Variants in CHN2 observed in about 807,000 individuals in gnomAD.
CHN2 encodes beta-chimaerin.
In CHN2, 35 loss-of-function variants were observed where a neutral mutation model predicts 56.3. That is an observed-to-expected ratio of 0.62 (90% confidence interval 0.47 to 0.82). The LOEUF is 0.82. Among genes scored for constraint, CHN2 ranks in the 40% least tolerant of loss-of-function variants. The pLI is 0.00. For missense variants in CHN2, 491 were observed against 580.5 expected (o/e 0.85, Z 1.58); for synonymous variants, 210 against 212.8 (o/e 0.99, Z 0.12).
chr7:29,504,817 C>T lies in CHN2; in HGVS notation c.987C>T (p.Asp329=). ...EHIEDVKMAF[D]RDGEKADISA... ...TTGAAGATGTCAAAATGGCATTTGA[C>T]AGAGGTAAGCTTGTACTTTCTTGAA... The change falls in exon 10 of 13, where the codon GAC becomes GAT. Residue 329 remains aspartate, a synonymous_variant. Transcript: ENST00000222792. 6.2e-7 allele frequency: 1 copy of T among 1,611,072 alleles called. No homozygotes were observed. Among genetic ancestry groups the T allele is most frequent in the Non-Finnish European group, 8.5e-7 (1 of 1,177,694 alleles).
intron 1 of CHN2, among the ~76,000 whole-genome samples, chr7:29,222,863 A>G (rs150927748): frequency 1.4e-3 from 211 of 152,312 alleles, no homozygotes; most frequent in African/African-American, 4.7e-3. Context: ...TAAAGCTGCA[A>G]TAATTAAGAT....
At chr7:29,182,533 C>T (rs1798192583) in intron 2 of CHN2, among the ~76,000 whole-genome samples, 1 of 152,200 alleles carries the variant, frequency 6.6e-6, no homozygotes. Flanking sequence ...GTCTGTATTA[C>T]CCACGTTAAG....
rs1786513200 is a variant in CHN2, at chr7:29,229,710, T to G, written c.49+34720T>G. On this transcript the variant is annotated intron_variant, in intron 1 of 12. Coordinates refer to ENST00000222792, the MANE Select transcript of CHN2 (RefSeq NM_004067.4). ...AATAAAGTTTCACTGGGGCTGGGCG[T>G]GGTGGCTCATGCCTGTAATATTAAC... is the stretch of plus-strand genomic sequence containing the variant. 2.0e-5 allele frequency among the ~76,000 whole-genome samples: 3 copies of G among 152,232 alleles called. No individual in the cohort carries two copies. The South Asian group carries it at 6.2e-4, about 32-fold the overall frequency.
intron 6 of CHN2, among the ~76,000 whole-genome samples, chr7:29,432,321 A>T (rs561492603): frequency 1.1e-3 from 164 of 152,288 alleles, no homozygotes; most frequent in Non-Finnish European, 2.1e-3. Context: ...CCAATAGGCT[A>T]TTGGCATTCT....
intron 1 of CHN2, among the ~76,000 whole-genome samples, chr7:29,237,606 T>C (rs1253549795): frequency 6.6e-6 from 1 of 152,220 alleles, no homozygotes; most frequent in African/African-American, 2.4e-5. Context: ...TCTGGGTTCC[T>C]TTCTGTCCAA....
At chr7:29,408,262 AT>A (rs1399054118) in intron 6 of CHN2, among the ~76,000 whole-genome samples, 1 of 152,144 alleles carries the variant, frequency 6.6e-6, no homozygotes, top group Non-Finnish European at 1.5e-5. Flanking sequence ...TGCCTATGGA[AT>A]CAAAGTCTTC....
intron 7 of CHN2, among the ~76,000 whole-genome samples, chr7:29,494,545 T>C (rs1466177521): frequency 6.6e-6 from 1 of 152,160 alleles, no homozygotes; most frequent in African/African-American, 2.4e-5. Context: ...ATTCTCTGCA[T>C]TCCTGTTAAA....
chr7:29,500,893 T>C (rs1265947189), intron 9 of CHN2, among the ~76,000 whole-genome samples: 1 of 152,232 alleles, frequency 6.6e-6, no homozygotes, highest in East Asian at 1.9e-4. Flanking sequence ...ATGTTGTACA[T>C]GAGTCACTTT....
intron 1 of CHN2, chr7:29,197,962 T>A (rs1562823590): frequency 4.4e-6 from 2 of 456,250 alleles, no homozygotes; most frequent in Non-Finnish European, 8.8e-6. Context: ...AGAGAAGAGC[T>A]TAGGTAAAGG....
chr7:29,238,634 T>G (rs1368848257), intron 1 of CHN2, among the ~76,000 whole-genome samples: 4 of 152,052 alleles, frequency 2.6e-5, no homozygotes, highest in African/African-American at 4.8e-5. Flanking sequence ...AGGTACAATT[T>G]AGGGAAGAAA....
chr7:29,429,633 C>CA (rs1410702869), intron 6 of CHN2, among the ~76,000 whole-genome samples: 4 of 151,888 alleles, frequency 2.6e-5, no homozygotes, highest in African/African-American at 9.7e-5. Context: ...AATATGTGTT[C>CA]AAGGTTCAGT....
chr7:29,403,951 G>A (rs781081609), intron 6 of CHN2, among the ~76,000 whole-genome samples: 1 of 152,198 alleles, frequency 6.6e-6, no homozygotes, highest in Non-Finnish European at 1.5e-5. Flanking sequence ...TCACATATGT[G>A]AACTAATTTC....
chr7:29,473,363 A>G (rs1302324642), intron 6 of CHN2, among the ~76,000 whole-genome samples: 1 of 152,062 alleles, frequency 6.6e-6, no homozygotes, highest in Non-Finnish European at 1.5e-5. Context: ...AGAGCACATT[A>G]CAATCCCCTG....
chr7:29,280,088 A>G (rs1378199630), intron 1 of CHN2, among the ~76,000 whole-genome samples: 3 of 152,150 alleles, frequency 2.0e-5, no homozygotes, highest in Non-Finnish European at 4.4e-5. Flanking sequence ...TATGATTTAA[A>G]ATAGGGAAAA....
chr7:29,473,604 C>T (rs1440770360), intron 6 of CHN2, among the ~76,000 whole-genome samples: 6 of 151,576 alleles, frequency 4.0e-5, no homozygotes, highest in Non-Finnish European at 7.4e-5. Context: ...ATCACCATCA[C>T]CTGTGTACCG....
At chr7:29,488,171 CAG>C (rs1224337064) in intron 7 of CHN2, among the ~76,000 whole-genome samples, 2 of 152,200 alleles carry the variant, frequency 1.3e-5, no homozygotes, top group African/African-American at 4.8e-5. Context: ...AGAGGGAACT[CAG>C]AGTGTCTGTC....
intron 4 of CHN2, chr7:29,398,072 C>T (rs1436715576): frequency 4.9e-5 from 8 of 163,288 alleles, no homozygotes; most frequent in South Asian, 3.8e-4. Flanking sequence ...GGGGGGGGGG[C>T]GGTGGTTGAG....
chr7:29,478,406 C>T (rs1039567515), intron 6 of CHN2, among the ~76,000 whole-genome samples: 6 of 151,950 alleles, frequency 3.9e-5, no homozygotes, highest in African/African-American at 7.3e-5. Context: ...TGTTGTAGAG[C>T]GATGTGTAAG....
intron 12 of CHN2, among the ~76,000 whole-genome samples, chr7:29,510,569 G>C (rs1791192240): frequency 6.6e-6 from 1 of 152,244 alleles, no homozygotes; most frequent in East Asian, 1.9e-4. Context: ...CTCACCAGCA[G>C]TTTGCTGGAG....
Sources: allele counts gnomAD v4.1 joint callset (sites outside exome capture counted in the v4.1 genomes callset), GRCh38; gene constraint gnomAD v4.1.1; transcripts MANE v1.5; gene names NCBI Gene and HGNC (gene_info 2026-07-23, HGNC 2026-07-21).